The following ABHD6 variants were observed in gnomAD, a reference collection of about 807,000 sequenced individuals.
ABHD6 encodes abhydrolase domain containing 6, acylglycerol lipase.
A neutral mutation model predicts 38.8 loss-of-function variants in ABHD6; 33 were observed. The ratio of observed to expected loss-of-function variants is 0.85; its 90% CI spans 0.64 to 1.14. The LOEUF (loss-of-function observed/expected upper bound fraction) is 1.14. ABHD6 is among the 50% of genes most tolerant of loss of function. ABHD6 has a pLI of 0.00. For missense variants in ABHD6, 380 were observed against 422.6 expected (o/e 0.90, Z 0.88); for synonymous variants, 147 against 161.6 (o/e 0.91, Z 0.69).
intron 7 of ABHD6, among the ~76,000 whole-genome samples, chr3:58,283,964 GTCCATAGCAGCCAT>G (rs1400639149): frequency 4.6e-5 from 7 of 152,216 alleles, no homozygotes; most frequent in African/African-American, 1.7e-4. Context: ...GGTTGGTTTA[GTCCATAGCAGCCAT>G]GGCTGGTTCT....
chr3:58,269,996 A>G lies in ABHD6; in HGVS notation c.390+562A>G, dbSNP rs945337879. Among the ~76,000 whole-genome samples the G allele has an allele frequency of 2.0e-5, 3 of 152,112 alleles. No individual in the cohort carries two copies. The highest frequency in any genetic ancestry group is 7.2e-5 in the African/African-American group (3 of 41,418). On this transcript the variant is annotated intron_variant, in intron 5 of 9. Transcript: ENST00000478253. The surrounding 1 kb of genome is among the most constrained non-coding windows in gnomAD (Gnocchi z 4.4). The stretch of plus-strand genomic sequence containing the variant: ...ATTTAATATCTGCCTCCTCCATTAA[A>G]CTGTTTTTTAAATTCGGTCAGGAAC...
chr3:58,288,238 C>T (rs145167225), intron 9 of ABHD6, among the ~76,000 whole-genome samples: 19 of 152,314 alleles, frequency 1.2e-4, no homozygotes, highest in African/African-American at 4.1e-4. Flanking sequence ...TGTCACAGCA[C>T]CTGCCCCTAC....
intron 3 of ABHD6, among the ~76,000 whole-genome samples, chr3:58,264,379 A>C (rs965828714): frequency 2.1e-5 from 3 of 145,456 alleles, no homozygotes; most frequent in African/African-American, 7.6e-5. Flanking sequence ...ATAACTGGTT[A>C]TATAAACGCA....
chr3:58,289,590 T>G (rs1050050298), intron 9 of ABHD6, among the ~76,000 whole-genome samples: 8 of 152,254 alleles, frequency 5.3e-5, no homozygotes, highest in African/African-American at 1.9e-4. Flanking sequence ...GGCAGAAGAA[T>G]CTTTCTTAGT....
Position 58,251,355 on chromosome 3 carries a change from G to A in ABHD6, c.-26+1413G>A, listed in dbSNP as rs1490498451. 6.6e-6 allele frequency among the ~76,000 whole-genome samples: 1 copy of A among 151,856 alleles called. No homozygotes were observed. Among genetic ancestry groups the A allele is most frequent in the Non-Finnish European group, 1.5e-5 (1 of 67,976 alleles). On this transcript the variant is annotated intron_variant, in intron 2 of 9. Transcript: ENST00000478253. The surrounding 1 kb of genome is among the most constrained non-coding windows in gnomAD (Gnocchi z 5.4). ...AAGAAAAAAAGACAGAAATCAGTAA[G>A]TCAGGCGAAGCGAGGAGAGATGTGT... is the stretch of plus-strand genomic sequence containing the variant.
intron 1 of ABHD6, among the ~76,000 whole-genome samples, chr3:58,248,888 A>G (rs1391861504): frequency 1.3e-5 from 2 of 152,246 alleles, no homozygotes; most frequent in East Asian, 1.9e-4. Flanking sequence ...CTTTGCCAGT[A>G]CAATAAAGGA....
At chr3:58,260,795 A>G (rs557470442) in intron 3 of ABHD6, among the ~76,000 whole-genome samples, 2 of 152,202 alleles carry the variant, frequency 1.3e-5, no homozygotes, top group Non-Finnish European at 2.9e-5. Flanking sequence ...TATGAGCATA[A>G]GGGTTTGGTG....
rs1030479016 is a variant in ABHD6 at position 58,293,913 on chromosome 3, G to A, written c.*148G>A. ...CCCGTCCCTTATCCCTGGTATCCACGGTTCCCCAGAGCTTTGGGGACCACG... is the reference window on the plus strand; with the variant it reads ...CCCGTCCCTTATCCCTGGTATCCACAGTTCCCCAGAGCTTTGGGGACCACG... On this transcript the variant is annotated 3_prime_UTR_variant, in exon 10 of 10. Coordinates refer to ENST00000478253, the MANE Select transcript of ABHD6 (RefSeq NM_001320126.2). This position sits in a 1 kb window ranked among gnomAD's most constrained non-coding sequence, Gnocchi z 4.4. 11 of 834,564 alleles carry A rather than the reference G, an allele frequency of 1.3e-5. No individual in the cohort carries two copies. Among genetic ancestry groups the A allele is most frequent in the Middle Eastern group, 3.5e-4 (1 of 2,830 alleles). The allele number at this position is 834,564 out of a possible 1,614,324, so 51.7% of individuals were successfully genotyped here. A position where few individuals can be genotyped will look rare whatever the true frequency, so the allele number is the denominator to read the frequency against.
At position 58,263,316 on chromosome 3, in the gene ABHD6, G is replaced by A. The variant is rs1193996058; in HGVS notation, c.120-3873G>A. 2.0e-5 allele frequency among the ~76,000 whole-genome samples: 3 copies of A among 152,064 alleles called. No homozygotes were observed. Among genetic ancestry groups the A allele is most frequent in the Non-Finnish European group, 4.4e-5 (3 of 68,006 alleles). ...GAGGCGGGAGAATCACTTGAACCCGGGAGGTGGAGGTTGCAGTGAACTGAG... is the reference window on the plus strand; with the variant it reads ...GAGGCGGGAGAATCACTTGAACCCGAGAGGTGGAGGTTGCAGTGAACTGAG... On this transcript the variant is annotated intron_variant, in intron 3 of 9. Transcript: ENST00000478253. The surrounding 1 kb of genome is among the most constrained non-coding windows in gnomAD (Gnocchi z 4.9).
At chr3:58,272,042 G>A (rs1050476127) in intron 6 of ABHD6, among the ~76,000 whole-genome samples, 1 of 152,066 alleles carries the variant, frequency 6.6e-6, no homozygotes, top group Non-Finnish European at 1.5e-5. Flanking sequence ...GGCCTCAAGT[G>A]ATCTGCCCGC....
chr3:58,249,822 A>G (rs1250140586), intron 1 of ABHD6, 56 bp from the exon 2 acceptor site: 1 of 152,210 alleles, frequency 6.6e-6, no homozygotes, highest in African/African-American at 2.4e-5. Flanking sequence ...TTAGCACTTC[A>G]TTCATATTCC....
intron 2 of ABHD6, among the ~76,000 whole-genome samples, chr3:58,255,045 T>C (rs538399767): frequency 6.6e-6 from 1 of 152,218 alleles, no homozygotes; most frequent in Non-Finnish European, 1.5e-5. Context: ...TATGCTAGAA[T>C]GAACTGTATT....
intron 1 of ABHD6, among the ~76,000 whole-genome samples, chr3:58,241,021 C>T (rs1396576162): frequency 1.3e-5 from 2 of 152,116 alleles, no homozygotes; most frequent in East Asian, 1.9e-4. Context: ...TGAGCCACCG[C>T]GCCCGGCCAA....
In ABHD6 at chr3:58,269,481, C is replaced by A; in HGVS notation, c.390+47C>A. On this transcript the variant is annotated intron_variant, in intron 5 of 9. Transcript: ENST00000478253. This position sits in a 1 kb window ranked among gnomAD's most constrained non-coding sequence, Gnocchi z 4.4. ...AGATTGCCCAGACTGTCTCAGCCAC[C>A]ATTACATGTCTGAGTCTGGAGAGCA... 1.4e-6 allele frequency: 2 copies of A among 1,418,674 alleles called. No homozygotes were observed. Among genetic ancestry groups the A allele is most frequent in the Non-Finnish European group, 2.0e-6 (2 of 1,008,702 alleles). The allele number at this position is 1,418,674 out of a possible 1,614,324, so 87.9% of individuals were successfully genotyped here. A position where few individuals can be genotyped will look rare whatever the true frequency, so the allele number is the denominator to read the frequency against.
intron 2 of ABHD6, among the ~76,000 whole-genome samples, chr3:58,255,115 A>T (rs1490875054): frequency 6.6e-6 from 1 of 152,164 alleles, no homozygotes; most frequent in Non-Finnish European, 1.5e-5. Context: ...CTAGTGCCCC[A>T]ATGGTGTGTC....
At chr3:58,283,897 A>G (rs977870765) in intron 7 of ABHD6, among the ~76,000 whole-genome samples, 3 of 152,216 alleles carry the variant, frequency 2.0e-5, no homozygotes, top group Non-Finnish European at 4.4e-5. Flanking sequence ...TATTCAACAA[A>G]TTGTCATTGT....
chr3:58,291,260 C>CA (rs1186085551), intron 9 of ABHD6, among the ~76,000 whole-genome samples: 18 of 151,202 alleles, frequency 1.2e-4, no homozygotes, highest in African/African-American at 4.4e-4. Flanking sequence ...CACCTGCAAT[C>CA]GCAGGCACTC....
intron 7 of ABHD6, among the ~76,000 whole-genome samples, chr3:58,284,022 G>A (rs1227745364): frequency 6.6e-6 from 1 of 152,202 alleles, no homozygotes; most frequent in Non-Finnish European, 1.5e-5. Context: ...GGACTCCTGA[G>A]AGAGTGTAAT....
Position 58,285,150 on chromosome 3 carries a change from C to T in ABHD6, c.736+11C>T. The T allele has an allele frequency of 6.2e-7, 1 of 1,613,414 alleles. No homozygotes were observed. Among genetic ancestry groups the T allele is most frequent in the Non-Finnish European group, 8.5e-7 (1 of 1,179,336 alleles). ...ACTTCTACCGAAAGTGTAAGTAGCC[C>T]TACTTTCAGCTTGGAGCTTGTTACA... On this transcript the variant is annotated intron_variant, in intron 8 of 9. Transcript: ENST00000478253. The surrounding 1 kb of genome is among the most constrained non-coding windows in gnomAD (Gnocchi z 4.9).
Sources: gnomAD v4.1 joint callset for allele counts (sites outside exome capture counted in the v4.1 genomes callset) on GRCh38, gnomAD v4.1.1 for gene constraint, Gnocchi (gnomAD v3.1) non-coding constraint, MANE v1.5 for transcripts, NCBI Gene and HGNC (gene_info 2026-07-23, HGNC 2026-07-21) for gene names.